The following LYG2 variants were observed in gnomAD, a reference collection of about 807,000 sequenced individuals.
The protein encoded by LYG2 is lysozyme g2.
A neutral mutation model predicts 22.4 loss-of-function variants in LYG2; 25 were observed. That is an observed-to-expected ratio of 1.12 (90% CI 0.81 to 1.56). The LOEUF (loss-of-function observed/expected upper bound fraction) is 1.56, where lower values mean the gene tolerates loss of function less well. Ranked by LOEUF, LYG2 falls within the 40% of genes most tolerant of loss-of-function variation. The pLI, the probability that LYG2 is intolerant of heterozygous loss-of-function variation, is 0.00. For missense variants in LYG2, 266 were observed against 269.5 expected, an observed-to-expected ratio of 0.99 and a Z score of 0.09; for synonymous variants, 88 against 97.0, an observed-to-expected ratio of 0.91 and a Z score of 0.55.
chr2:99,250,684 A>C (rs573838389), intron 3 of LYG2, among the ~76,000 whole-genome samples: 2 of 152,024 alleles, frequency 1.3e-5, no homozygotes, highest in South Asian at 4.2e-4. Flanking sequence ...GCATTTTCCA[A>C]CTCTTTAGTT....
intron 6 of LYG2, chr2:99,243,413 G>A (rs1193286865): frequency 6.5e-7 from 1 of 1,549,420 alleles, no homozygotes; most frequent in East Asian, 2.4e-5. Context: ...AATACTCACA[G>A]AGTAACATTG....
rs141392354 is a variant in LYG2, at chr2:99,242,339, A to G, written c.*25T>C. ...AGGCGGCCATCTGAGCACTCTGCCA[A>G]CCTGGCCCACCCACAGAGCTTTGCC... On this transcript the variant is annotated 3_prime_UTR_variant, in exon 7 of 7. Transcript: ENST00000333017. 3 of 1,509,900 alleles carry G rather than the reference A, an allele frequency of 2.0e-6. No individual in the cohort carries two copies. Among genetic ancestry groups the G allele is most frequent in the Non-Finnish European group, 2.7e-6 (3 of 1,091,172 alleles). The allele number at this position is 1,509,900 out of a possible 1,614,324, so 93.5% of individuals were successfully genotyped here. A position where few individuals can be genotyped will look rare whatever the true frequency, so the allele number is the denominator to read the frequency against.
chr2:99,248,454 T>C (rs1184265233), intron 3 of LYG2, among the ~76,000 whole-genome samples: 2 of 151,826 alleles, frequency 1.3e-5, no homozygotes, highest in African/African-American at 2.4e-5. Context: ...AAATTGGAAA[T>C]CATCATTCTC....
intron 4 of LYG2, among the ~76,000 whole-genome samples, chr2:99,245,999 T>C (rs1162673821): frequency 6.6e-6 from 1 of 152,084 alleles, no homozygotes; most frequent in African/African-American, 2.4e-5. Context: ...CCCCAGCTAC[T>C]CAGGAGACTG....
intron 3 of LYG2, among the ~76,000 whole-genome samples, chr2:99,249,532 G>A (rs560414765): frequency 9.9e-5 from 15 of 152,122 alleles, no homozygotes; most frequent in East Asian, 3.9e-4. Flanking sequence ...GGAGGCCAAG[G>A]CAGGCGGATC....
intron 3 of LYG2, among the ~76,000 whole-genome samples, chr2:99,249,761 CAAAAAA>C (rs70940156): frequency 9.2e-5 from 6 of 65,296 alleles, no homozygotes; most frequent in African/African-American, 3.4e-4. Context: ...AACTCTGTCT[CAAAAAA>C]AAAAAAAAAA....
chr2:99,243,763 T>C (rs1211740935), intron 6 of LYG2: 30 of 484,234 alleles, frequency 6.2e-5, no homozygotes, highest in Non-Finnish European at 1.1e-4. Context: ...ACTCAATAGC[T>C]CAGTAAGCAA....
chr2:99,254,401 C>T, intron 2 of LYG2, 116 bp from the exon 3 acceptor site: 1 of 724,014 alleles, frequency 1.4e-6, no homozygotes, highest in Non-Finnish European at 2.3e-6. Context: ...TACTCATTTC[C>T]CTGTTTCAAG....
chr2:99,256,389 T>C (rs991399293), upstream of LYG2, among the ~76,000 whole-genome samples: 1 of 152,182 alleles, frequency 6.6e-6, no homozygotes, highest in Non-Finnish European at 1.5e-5. Flanking sequence ...CCATCAACAC[T>C]GCAGTCAGGA....
chr2:99,245,612 T>TAAAA (rs34440649), intron 4 of LYG2, among the ~76,000 whole-genome samples, 154 bp from the exon 5 acceptor site: 3 of 125,552 alleles, frequency 2.4e-5, no homozygotes, highest in African/African-American at 9.1e-5. Context: ...CATCTCTAAT[T>TAAAA]AAAAAAAAAA....
chr2:99,257,881 A>G (rs2094039233), upstream of LYG2, among the ~76,000 whole-genome samples: 1 of 152,200 alleles, frequency 6.6e-6, no homozygotes, highest in South Asian at 2.1e-4. Flanking sequence ...GAGGAGAGGA[A>G]TGATTATGAA....
chr2:99,252,849 A>G (rs2094029348), intron 3 of LYG2, among the ~76,000 whole-genome samples: 1 of 152,012 alleles, frequency 6.6e-6, no homozygotes, highest in South Asian at 2.1e-4. Flanking sequence ...GATCAAGACC[A>G]TCCTGGGTAA....
chr2:99,246,637 G>A (rs770017731), intron 4 of LYG2, 43 bp downstream of exon 4: 4 of 1,591,048 alleles, frequency 2.5e-6, no homozygotes, highest in Non-Finnish European at 3.4e-6. Flanking sequence ...ATCTGAAAAC[G>A]ATGAAAGGGG....
intron 6 of LYG2, among the ~76,000 whole-genome samples, 182 bp from the exon 7 acceptor site, chr2:99,242,664 A>T (rs2094008491): frequency 6.6e-6 from 1 of 152,158 alleles, no homozygotes; most frequent in Admixed American, 6.6e-5. Flanking sequence ...AAAATTCCAG[A>T]TTGCTTTCTT....
At chr2:99,243,215 C>T (rs570633314) in intron 6 of LYG2, among the ~76,000 whole-genome samples, 1 of 152,248 alleles carries the variant, frequency 6.6e-6, no homozygotes, top group African/African-American at 2.4e-5. Flanking sequence ...AGAAAGCAAT[C>T]TGGTTTTCAG....
In LYG2 at chr2:99,242,480, C is replaced by A; in HGVS notation, c.523G>T (p.Gly175Cys). 6.3e-7 allele frequency: 1 copy of A among 1,594,332 alleles called. No individual in the cohort carries two copies. Among genetic ancestry groups the A allele is most frequent in the Non-Finnish European group, 8.6e-7 (1 of 1,163,826 alleles). ...TWSVAQHLKG[G>C]LSAFKSGIEA... ...ATTCCTGACTTAAAAGCTGAGAGAC[C>A]ACCTGAAATGAAACACAGAGAATTA... The change falls in exon 7 of 7, where the codon GGT (glycine) becomes TGT (cysteine). Residue 175 changes from glycine to cysteine, a missense_variant and splice_region_variant. By Grantham distance (159) the Gly-to-Cys change is radical. Transcript: ENST00000333017.
At chr2:99,245,917 G>A (rs1341424484) in intron 4 of LYG2, among the ~76,000 whole-genome samples, 1 of 152,106 alleles carries the variant, frequency 6.6e-6, no homozygotes, top group African/African-American at 2.4e-5. Flanking sequence ...AGACTAGCCT[G>A]GCCAACATGG....
rs566911977 is a variant in LYG2, at chr2:99,255,656, C to T, written c.-197G>A. On this transcript the variant is annotated 5_prime_UTR_variant, in exon 1 of 7. Coordinates refer to ENST00000333017, the MANE Select transcript of LYG2 (RefSeq NM_175735.4). ...TCCCATTCCAATGTCATATGATCCC[C>T]GTACCAGTATGTCACATGATCTCAA... Among the ~76,000 whole-genome samples, 19 of 152,198 alleles carry T rather than the reference C, an allele frequency of 1.2e-4. No homozygotes were observed. Among genetic ancestry groups the T allele is most frequent in the Admixed American group, 5.9e-4 (9 of 15,292 alleles).
intron 3 of LYG2, among the ~76,000 whole-genome samples, chr2:99,251,464 A>G (rs1416688276): frequency 1.3e-5 from 2 of 152,222 alleles, no homozygotes; most frequent in African/African-American, 4.8e-5. Context: ...GTATGTAAAT[A>G]AGTAATAATG....
Sources: gnomAD v4.1 joint callset for allele counts (sites outside exome capture counted in the v4.1 genomes callset) on GRCh38, gnomAD v4.1.1 for gene constraint, MANE v1.5 for transcripts, NCBI Gene and HGNC (gene_info 2026-07-23, HGNC 2026-07-21) for gene names.